BTBD9: variants seen among roughly 807,000 people sequenced by gnomAD.
BTBD9 encodes the protein BTB/POZ domain-containing protein 9.
A neutral mutation model predicts 64.3 loss-of-function variants in BTBD9; 49 were observed. The ratio of observed to expected loss-of-function variants is 0.76; its 90% CI spans 0.61 to 0.97. BTBD9 has a LOEUF of 0.97. Among genes scored for constraint, BTBD9 ranks in the 50% least tolerant of loss-of-function variants. The pLI is 0.00. For synonymous variants in BTBD9, 260 were observed against 274.7 expected (o/e 0.95, Z 0.53); for missense variants, 598 against 762.1 (o/e 0.78, Z 2.53).
chr6:38,544,858 C>A (rs909140654), intron 6 of BTBD9, among the ~76,000 whole-genome samples: 1 of 133,794 alleles, frequency 7.5e-6, no homozygotes, highest in African/African-American at 2.8e-5. Context: ...ACCCAGGAGG[C>A]AGAGGTTGCA....
At chr6:38,369,580 C>T (rs1425268850) in intron 6 of BTBD9, among the ~76,000 whole-genome samples, 2 of 152,164 alleles carry the variant, frequency 1.3e-5, no homozygotes, top group African/African-American at 2.4e-5. Context: ...TGATTGCTCT[C>T]GTGAACAAAA....
chr6:38,251,061 G>A (rs546607156), intron 9 of BTBD9, among the ~76,000 whole-genome samples: 9 of 149,280 alleles, frequency 6.0e-5, no homozygotes, highest in East Asian at 2.1e-4. Flanking sequence ...TAGCCTGGGC[G>A]ACAGAGAGAG....
intron 6 of BTBD9, among the ~76,000 whole-genome samples, chr6:38,561,853 A>T (rs1434258998): frequency 1.3e-5 from 2 of 152,162 alleles, no homozygotes. Context: ...TGACAGGACC[A>T]TTTGTAACCT....
At chr6:38,264,339 T>G (rs1028925781) in intron 8 of BTBD9, among the ~76,000 whole-genome samples, 3 of 152,098 alleles carry the variant, frequency 2.0e-5, no homozygotes, top group Non-Finnish European at 2.9e-5. Context: ...GATGGTAGAC[T>G]AATGTTCAGA....
chr6:38,425,830 T>C (rs897784622), intron 6 of BTBD9, among the ~76,000 whole-genome samples: 5 of 148,874 alleles, frequency 3.4e-5, no homozygotes, highest in African/African-American at 1.3e-4. Context: ...GGTGGGAGGA[T>C]TGCTTCAGCC....
At chr6:38,511,567 T>G (rs2086502353) in intron 6 of BTBD9, among the ~76,000 whole-genome samples, 1 of 151,800 alleles carries the variant, frequency 6.6e-6, no homozygotes, top group Admixed American at 6.6e-5. Context: ...GGTCTCGAAC[T>G]CCTGAGCTCA....
intron 6 of BTBD9, among the ~76,000 whole-genome samples, chr6:38,411,966 TAC>T (rs916399334): frequency 1.3e-5 from 2 of 151,774 alleles, no homozygotes; most frequent in African/African-American, 2.4e-5. Flanking sequence ...CACACACATA[TAC>T]ACACACACAT....
intron 9 of BTBD9, among the ~76,000 whole-genome samples, chr6:38,196,060 A>G (rs1762265043): frequency 6.6e-6 from 1 of 152,242 alleles, no homozygotes; most frequent in Non-Finnish European, 1.5e-5. Flanking sequence ...CTGTATTATT[A>G]CGCCAAGTAT....
chr6:38,344,918 G>C, intron 7 of BTBD9, 66 bp downstream of exon 7: 1 of 1,055,816 alleles, frequency 9.5e-7, no homozygotes, highest in Admixed American at 2.0e-5. Flanking sequence ...TAAGTTAAGA[G>C]AGTAACAAAG....
chr6:38,429,761 C>G (rs1247006551), intron 6 of BTBD9, among the ~76,000 whole-genome samples: 1 of 151,968 alleles, frequency 6.6e-6, no homozygotes, highest in Non-Finnish European at 1.5e-5. Flanking sequence ...AGGTTAATTG[C>G]TAGTTCTAGA....
chr6:38,202,172 C>T (rs1398327928), intron 9 of BTBD9, among the ~76,000 whole-genome samples: 10 of 150,790 alleles, frequency 6.6e-5, no homozygotes, highest in African/African-American at 1.7e-4. Flanking sequence ...GCAACCTCCA[C>T]CCCACAAGCT....
At chr6:38,489,094 C>T (rs1771585224) in intron 6 of BTBD9, among the ~76,000 whole-genome samples, 1 of 152,038 alleles carries the variant, frequency 6.6e-6, no homozygotes, top group African/African-American at 2.4e-5. Flanking sequence ...TAGGGTTTCA[C>T]CATGTTGTCC....
intron 6 of BTBD9, among the ~76,000 whole-genome samples, chr6:38,574,452 A>ACTAGG (rs1306059748): frequency 2.0e-5 from 3 of 152,298 alleles, no homozygotes; most frequent in Non-Finnish European, 4.4e-5. Context: ...TACCAAAAAG[A>ACTAGG]CTAGGGTCTT....
intron 1 of BTBD9, among the ~76,000 whole-genome samples, chr6:38,617,377 A>AAGTTCCTCCCACCTCTCTTCTCCAAG (rs1393167094): frequency 2.0e-5 from 3 of 152,182 alleles, no homozygotes; most frequent in Admixed American, 2.0e-4. Context: ...CCTCTCAGAG[A>AAGTTCCTCCCACCTCTCTTCTCCAAG]AGTTCCTCCC....
At chr6:38,286,812 T>C (rs976112125) in intron 8 of BTBD9, among the ~76,000 whole-genome samples, 10 of 152,120 alleles carry the variant, frequency 6.6e-5, no homozygotes, top group African/African-American at 1.2e-4. Flanking sequence ...CTGGGCGCCA[T>C]GGCTCATGCC....
intron 6 of BTBD9, among the ~76,000 whole-genome samples, chr6:38,392,622 A>G (rs1287887051): frequency 6.6e-6 from 1 of 152,224 alleles, no homozygotes; most frequent in Admixed American, 6.5e-5. Flanking sequence ...ACTAAAAAGA[A>G]AAAGTTTCAG....
chr6:38,600,131 C>A (rs759272036), intron 1 of BTBD9, among the ~76,000 whole-genome samples: 2 of 152,188 alleles, frequency 1.3e-5, no homozygotes, highest in Admixed American at 6.5e-5. Context: ...CACACAACAA[C>A]TGTGTAATAT....
At chr6:38,331,740 T>C (rs1240616198) in intron 7 of BTBD9, among the ~76,000 whole-genome samples, 1 of 151,888 alleles carries the variant, frequency 6.6e-6, no homozygotes, top group Non-Finnish European at 1.5e-5. Flanking sequence ...ATGCCTGTGG[T>C]CCCAGCTACT....
intron 9 of BTBD9, among the ~76,000 whole-genome samples, chr6:38,214,982 C>T (rs536778517): frequency 3.5e-4 from 53 of 152,296 alleles, no homozygotes; most frequent in Admixed American, 1.2e-3. Flanking sequence ...CCTTGGCACA[C>T]GGAAATCTCT....
Sources: gnomAD v4.1 joint callset for allele counts (sites outside exome capture counted in the v4.1 genomes callset) on GRCh38, gnomAD v4.1.1 for gene constraint, MANE v1.5 for transcripts, NCBI Gene and HGNC (gene_info 2026-07-23, HGNC 2026-07-21) for gene names.